The following ROBO1 variants were observed in gnomAD, a reference collection of about 807,000 sequenced individuals.
ROBO1 encodes the protein roundabout homolog 1.
A neutral mutation model predicts 195.9 loss-of-function variants in ROBO1; 149 were observed. That is an observed-to-expected ratio of 0.76 (90% CI 0.67 to 0.87). The LOEUF (loss-of-function observed/expected upper bound fraction) is 0.87, where lower values mean the gene tolerates loss of function less well. ROBO1 is among the 40% of genes least tolerant of loss of function. The pLI is 0.00. For synonymous variants in ROBO1, 816 were observed against 733.2 expected (o/e 1.11, Z -1.82); for missense variants, 1,933 against 2,068.3 (o/e 0.93, Z 1.27).
chr3:79,475,673 T>C (rs1251328896), intron 2 of ROBO1, among the ~76,000 whole-genome samples: 1 of 152,084 alleles, frequency 6.6e-6, no homozygotes, highest in African/African-American at 2.4e-5. Flanking sequence ...GTAGGTTTTA[T>C]TATTGTGTTT....
At chr3:78,662,152 A>G (rs1389900337) in intron 14 of ROBO1, 38 bp from the exon 15 acceptor site, 1 of 1,539,086 alleles carries the variant, frequency 6.5e-7, no homozygotes, top group Admixed American at 2.0e-5. Context: ...GGGTCTGCAC[A>G]ACGTTACTGA....
At chr3:79,692,190 A>G (rs1449723192) in intron 1 of ROBO1, among the ~76,000 whole-genome samples, 1 of 151,964 alleles carries the variant, frequency 6.6e-6, no homozygotes, top group Non-Finnish European at 1.5e-5. Context: ...AAGAAATAAA[A>G]GTAACTATAC....
At chr3:79,586,296 G>A (rs867918829) in intron 2 of ROBO1, among the ~76,000 whole-genome samples, 2 of 151,952 alleles carry the variant, frequency 1.3e-5, no homozygotes, top group South Asian at 2.1e-4. Context: ...ATTTATGGAT[G>A]ATTCAGACCC....
chr3:79,203,746 G>C (rs2081811473), intron 2 of ROBO1, among the ~76,000 whole-genome samples: 1 of 152,124 alleles, frequency 6.6e-6, no homozygotes, highest in African/African-American at 2.4e-5. Context: ...TTCACGATTT[G>C]CATTGTTTTG....
chr3:78,609,900 TG>T (rs1173964351), intron 28 of ROBO1, among the ~76,000 whole-genome samples: 1 of 152,238 alleles, frequency 6.6e-6, no homozygotes, highest in African/African-American at 2.4e-5. Context: ...TACAATTTTT[TG>T]AAACTTATTT....
Position 79,099,306 on chromosome 3 carries a change from T to G in ROBO1, c.172+26150A>C, listed in dbSNP as rs2079631078. Reference sequence around the variant, plus strand: ...TGGGCACACAAAAAATGAATAATACTTAACTATCCCAGAGGTGCAAACAGT... The same window carrying G: ...TGGGCACACAAAAAATGAATAATACGTAACTATCCCAGAGGTGCAAACAGT... On this transcript the variant is annotated intron_variant, in intron 3 of 30. Coordinates refer to ENST00000464233, the MANE Select transcript of ROBO1 (RefSeq NM_002941.4). 2.6e-5 allele frequency among the ~76,000 whole-genome samples: 4 copies of G among 151,740 alleles called. No individual in the cohort carries two copies. In the South Asian group the frequency reaches 8.3e-4, roughly 31 times the overall value.
intron 4 of ROBO1, among the ~76,000 whole-genome samples, chr3:78,878,722 T>C (rs145664958): frequency 1.4e-5 from 2 of 138,346 alleles, no homozygotes; most frequent in East Asian, 4.1e-4. Flanking sequence ...TTAAGCTAAA[T>C]AGAGTATGTG....
intron 5 of ROBO1, among the ~76,000 whole-genome samples, chr3:78,745,705 A>T (rs528530466): frequency 9.2e-5 from 14 of 152,240 alleles, no homozygotes; most frequent in Admixed American, 8.5e-4. Flanking sequence ...GAATTACAGA[A>T]ATCCTTTGGG....
At chr3:78,711,342 TC>T (rs1559772574) in intron 8 of ROBO1, among the ~76,000 whole-genome samples, 5 of 101,208 alleles carry the variant, frequency 4.9e-5, no homozygotes, top group African/African-American at 2.3e-4. Flanking sequence ...CTTCCTTCCT[TC>T]CTTCCTCCTT....
At chr3:79,218,699 T>G (rs1159955249) in intron 2 of ROBO1, among the ~76,000 whole-genome samples, 1 of 151,990 alleles carries the variant, frequency 6.6e-6, no homozygotes, top group African/African-American at 2.4e-5. Context: ...TATAATGTAA[T>G]AGACAAAGAG....
intron 8 of ROBO1, among the ~76,000 whole-genome samples, chr3:78,694,393 T>C (rs1559754184): frequency 6.6e-6 from 1 of 152,198 alleles, no homozygotes; most frequent in Non-Finnish European, 1.5e-5. Context: ...AAGAATGTTG[T>C]TGTTAAGTGG....
intron 27 of ROBO1, 87 bp downstream of exon 27, chr3:78,617,548 G>A: frequency 7.5e-7 from 1 of 1,325,866 alleles, no homozygotes; most frequent in South Asian, 1.6e-5. Context: ...TTTTCAAATA[G>A]GACGTAAGAT....
chr3:78,762,431 C>A (rs966092721), intron 4 of ROBO1, among the ~76,000 whole-genome samples: 7 of 151,852 alleles, frequency 4.6e-5, no homozygotes, highest in Non-Finnish European at 8.8e-5. Flanking sequence ...ATTTATATTT[C>A]CAGTTGTTAT....
chr3:78,655,878 G>C (rs1448435053), intron 18 of ROBO1, among the ~76,000 whole-genome samples: 1 of 152,082 alleles, frequency 6.6e-6, no homozygotes, highest in African/African-American at 2.4e-5. Flanking sequence ...TACTACTAAT[G>C]CTTAACTTCT....
chr3:79,554,572 C>T (rs1942633419), intron 2 of ROBO1, among the ~76,000 whole-genome samples: 1 of 151,882 alleles, frequency 6.6e-6, no homozygotes, highest in Non-Finnish European at 1.5e-5. Context: ...CATATCTTGG[C>T]AATCATATGT....
rs772985757 is a variant in ROBO1 at position 78,634,002 on chromosome 3, G to T, written c.3414C>A (p.Tyr1138Ter). The T allele has an allele frequency of 6.2e-7, 1 of 1,612,160 alleles. No individual in the cohort carries two copies. The highest frequency in any genetic ancestry group is 8.5e-7 in the Non-Finnish European group (1 of 1,178,874). ...ANDTVPPTIP[Y>*]NQSYDQNTGG... ...CTGTGTTCTGGTCGTATGATTGGTT[G>T]TATGGGATAGTTGGAGGAACTGTGT... Residue 1138 changes from tyrosine to a stop codon, truncating the protein, a stop_gained, in exon 24 of 31, where the codon TAC becomes TAA. Transcript: ENST00000464233. LOFTEE classifies it high-confidence loss of function.
At chr3:79,500,119 CTTTTTTTTTTTTTTTT>C (rs57887981) in intron 2 of ROBO1, among the ~76,000 whole-genome samples, 8 of 72,500 alleles carry the variant, frequency 1.1e-4, no homozygotes, top group East Asian at 4.7e-4. Flanking sequence ...TAAGTTTTCT[CTTTTTTTTTTTTTTTT>C]TTTTTTTTTT....
chr3:79,506,513 C>T (rs924244267), intron 2 of ROBO1, among the ~76,000 whole-genome samples: 4 of 151,820 alleles, frequency 2.6e-5, no homozygotes, highest in Non-Finnish European at 4.4e-5. Flanking sequence ...GGAAGGATCT[C>T]GGCTCTCTGC....
Position 78,668,158 on chromosome 3 carries a change from G to A in ROBO1, c.1775C>T (p.Thr592Ile). Residue 592 changes from threonine (T) to isoleucine (I), a missense_variant, in exon 13 of 31, where the codon ACA becomes ATA. Transcript: ENST00000464233. Reference protein sequence around the residue: ...QPNLNSGATPTSYIIEAFSHA... With the variant: ...QPNLNSGATPISYIIEAFSHA... ...CCTGAAGGCTTCTATAATATAAGATGTTGGAGTTGCTCCTGAATTCAAATT... is the reference window on the plus strand; with the variant it reads ...CCTGAAGGCTTCTATAATATAAGATATTGGAGTTGCTCCTGAATTCAAATT... 2 of 1,613,786 alleles carry A rather than the reference G, an allele frequency of 1.2e-6. No homozygotes were observed. The highest frequency in any genetic ancestry group is 1.7e-6 in the Non-Finnish European group (2 of 1,179,796).
Sources: allele counts gnomAD v4.1 joint callset (sites outside exome capture counted in the v4.1 genomes callset), GRCh38; gene constraint gnomAD v4.1.1; transcripts MANE v1.5; gene names NCBI Gene and HGNC (gene_info 2026-07-23, HGNC 2026-07-21).